U2AF2: variants seen among roughly 807,000 people sequenced by gnomAD.
U2AF2 encodes U2 small nuclear RNA auxiliary factor 2.
U2AF2 carries 6 observed loss-of-function variants against 52.6 expected under a neutral mutation model. The ratio of observed to expected loss-of-function variants is 0.11; its 90% CI spans 0.06 to 0.23. The LOEUF (loss-of-function observed/expected upper bound fraction) is 0.23, where lower values mean the gene tolerates loss of function less well. U2AF2 is among the 10% of genes least tolerant of loss of function. U2AF2 has a pLI of 1.00. For synonymous variants in U2AF2, 284 were observed against 258.2 expected, an observed-to-expected ratio of 1.10 and a Z score of -0.96; for missense variants, 222 against 677.1, an observed-to-expected ratio of 0.33 and a Z score of 7.46.
intron 1 of U2AF2, among the ~76,000 whole-genome samples, chr19:55,658,011 A>G (rs1483525934): frequency 6.6e-6 from 1 of 151,962 alleles, no homozygotes; most frequent in South Asian, 2.1e-4. Flanking sequence ...CTGGGTGCAT[A>G]TTTTTCTGAG....
chr19:55,668,391 C>T lies in U2AF2; in HGVS notation c.743-116C>T, dbSNP rs1482569736. 19 of 1,060,844 alleles carry T rather than the reference C, an allele frequency of 1.8e-5. No homozygotes were observed. Among genetic ancestry groups the T allele is most frequent in the Admixed American group, 3.0e-5 (1 of 33,570 alleles). The allele number at this position is 1,060,844 out of a possible 1,614,324, so 65.7% of individuals were successfully genotyped here. On this transcript the variant is annotated intron_variant, in intron 7 of 11. Transcript: ENST00000308924. The surrounding 1 kb of genome is among the most constrained non-coding windows in gnomAD (Gnocchi z 5.5). Reference sequence around the variant, plus strand: ...GGTGGGCACGTGGCGACCCCTCCCTCGTCAGATCAGGCAGGAAGTGTTCTC... The same window carrying T: ...GGTGGGCACGTGGCGACCCCTCCCTTGTCAGATCAGGCAGGAAGTGTTCTC...
rs376297665 is a variant in U2AF2, at chr19:55,661,186, T to G, written c.483T>G (p.Thr161=). 6.3e-7 allele frequency: 1 copy of G among 1,599,770 alleles called. No individual in the cohort carries two copies. The highest frequency in any genetic ancestry group is 1.3e-5 in the African/African-American group (1 of 74,650). The change falls in exon 5 of 12, where the codon ACT becomes ACG. Residue 161 remains threonine (T), a synonymous_variant. Transcript: ENST00000308924. ...LYVGNIPFGI[T]EEAMMDFFNA... ...TGGGCAACATCCCCTTTGGCATCAC[T>G]GAGGTACTGCCCTCCCCTGCCCCCT... is the stretch of plus-strand genomic sequence containing the variant.
intron 11 of U2AF2, 133 bp downstream of exon 11, chr19:55,669,825 C>T: frequency 8.9e-6 from 12 of 1,350,618 alleles, no homozygotes; most frequent in South Asian, 4.5e-5. Flanking sequence ...TCTCTCTCTC[C>T]TCTCGCAGCG....
At chr19:55,657,362 TTG>T (rs1364721701) in intron 1 of U2AF2, among the ~76,000 whole-genome samples, 3 of 152,226 alleles carry the variant, frequency 2.0e-5, no homozygotes, top group African/African-American at 4.8e-5. Flanking sequence ...CCTGTAGTCT[TTG>T]TCTCTGCGGA....
chr19:55,664,392 A>G (rs1290591837), intron 7 of U2AF2, among the ~76,000 whole-genome samples: 1 of 152,246 alleles, frequency 6.6e-6, no homozygotes, highest in African/African-American at 2.4e-5. Context: ...CACAGGCCAC[A>G]GAATGGTCTC....
intron 6 of U2AF2, 52 bp from the exon 7 acceptor site, chr19:55,663,554 C>A: frequency 6.3e-7 from 1 of 1,591,216 alleles, no homozygotes; most frequent in Admixed American, 1.7e-5. Context: ...ACACTAGGGG[C>A]TGTACTAGTC....
In U2AF2 at chr19:55,669,687, G is replaced by A. The variant is rs752624831; in HGVS notation, c.1288G>A (p.Gly430Arg). ...PVDGVEVPGC[G>R]KIFVEFTSVF... ...GGACGGCGTCGAGGTGCCCGGCTGC[G>A]GAAAGGTCAGGAGGCCTCGGGCTCA... The change falls in exon 11 of 12, where the codon GGA becomes AGA. Residue 430 changes from glycine to arginine, a missense_variant. Gly to Arg is a moderately radical substitution (Grantham distance 125). Around this residue, in one of 4 missense-constraint regions of U2AF2, gnomAD observed 71 missense variants for 180.6 expected, o/e 0.39. Coordinates refer to ENST00000308924, the MANE Select transcript of U2AF2 (RefSeq NM_007279.3). 1.9e-6 allele frequency: 3 copies of A among 1,603,458 alleles called. No individual in the cohort carries two copies. Among genetic ancestry groups the A allele is most frequent in the Non-Finnish European group, 2.6e-6 (3 of 1,174,596 alleles).
In U2AF2 at chr19:55,673,496, T is replaced by C. The variant is rs556826478; in HGVS notation, c.1294-438T>C. 2.6e-5 allele frequency among the ~76,000 whole-genome samples: 4 copies of C among 152,384 alleles called. No homozygotes were observed. In the South Asian group the frequency reaches 8.3e-4, roughly 32 times the overall value. Reference sequence around the variant, plus strand: ...TCAAGGTTCAAGTTTTTAAATTTTATTCAACCTGGGTTTGAATCCTAATTT... The same window carrying C: ...TCAAGGTTCAAGTTTTTAAATTTTACTCAACCTGGGTTTGAATCCTAATTT... On this transcript the variant is annotated intron_variant, in intron 11 of 11. Transcript: ENST00000308924.
At chr19:55,661,211 T>TA in intron 5 of U2AF2, 22 bp downstream of exon 5, 1 of 1,520,900 alleles carries the variant, frequency 6.6e-7, no homozygotes, top group Non-Finnish European at 8.8e-7. Flanking sequence ...CCCTGCCCCC[T>TA]ACCCTCTCCC....
chr19:55,655,298 A>C, intron 1 of U2AF2, 145 bp downstream of exon 1: 1 of 902,400 alleles, frequency 1.1e-6, no homozygotes, highest in Non-Finnish European at 1.6e-6. Context: ...CGCCTCGTTC[A>C]CGTGACGTCC....
chr19:55,673,978 G>A lies in U2AF2; in HGVS notation c.1338G>A (p.Met446Ile). 2 of 1,614,038 alleles carry A rather than the reference G, an allele frequency of 1.2e-6. No homozygotes were observed. The highest frequency in any genetic ancestry group is 1.7e-6 in the Non-Finnish European group (2 of 1,179,964). ...CTGTGTTTGACTGCCAGAAAGCCAT[G>A]CAGGGCCTGACGGGCCGCAAGTTCG... Reference protein sequence around the residue: ...FTSVFDCQKAMQGLTGRKFAN... With the variant: ...FTSVFDCQKAIQGLTGRKFAN... The change falls in exon 12 of 12, where the codon ATG becomes ATA. Residue 446 changes from methionine (M) to isoleucine (I), a missense_variant. This residue lies in a region of U2AF2 where 71 missense variants were observed against 180.6 expected (regional missense o/e 0.39). Coordinates refer to ENST00000308924, the MANE Select transcript of U2AF2 (RefSeq NM_007279.3).
chr19:55,666,350 G>A (rs1247934365), intron 7 of U2AF2, among the ~76,000 whole-genome samples: 3 of 152,244 alleles, frequency 2.0e-5, no homozygotes, highest in Non-Finnish European at 4.4e-5. Flanking sequence ...ATGGGGCCCT[G>A]TTTCCCCGCC....
In U2AF2 at chr19:55,668,248, G is replaced by A. The variant is rs916446076; in HGVS notation, c.743-259G>A. Among the ~76,000 whole-genome samples the A allele has an allele frequency of 2.0e-5, 3 of 152,138 alleles. No homozygotes were observed. The highest frequency in any genetic ancestry group is 7.2e-5 in the African/African-American group (3 of 41,420). On this transcript the variant is annotated intron_variant, in intron 7 of 11. Transcript: ENST00000308924. This position sits in a 1 kb window ranked among gnomAD's most constrained non-coding sequence, Gnocchi z 5.5. ...GTGCCTTTGGAGCGTTCTGGAGGAT[G>A]TTCTAGTTTGAGGTTCCCCTGAGGC...
In U2AF2 at chr19:55,669,454, A is replaced by T. The variant is rs749175675; in HGVS notation, c.1055A>T (p.Asn352Ile). The change falls in exon 11 of 12, where the codon AAT becomes ATT. Residue 352 changes from asparagine to isoleucine, a missense_variant. This residue lies in a region of U2AF2 where 71 missense variants were observed against 180.6 expected (regional missense o/e 0.39). Transcript: ENST00000308924. ...CCCCTGGCCCCACAGAGCACCATCA[A>T]TCAGACGCCTGTGACCCTGCAAGTG... ...ATLVSPPSTI[N>I]QTPVTLQVPG... 1 of 1,606,176 alleles carries T rather than the reference A, an allele frequency of 6.2e-7. No individual in the cohort carries two copies. Among genetic ancestry groups the T allele is most frequent in the Non-Finnish European group, 8.5e-7 (1 of 1,175,214 alleles).
At position 55,662,640 on chromosome 19, in the gene U2AF2, G is replaced by A. The variant is rs745906709; in HGVS notation, c.603+22G>A. On this transcript the variant is annotated intron_variant, in intron 6 of 11. Transcript: ENST00000308924. The stretch of plus-strand genomic sequence containing the variant: ...GGAGGTGAGCTGGGGGAGTGAGTGA[G>A]GTCCAGGAAACGTGTGTGATGTGAG... 4 of 1,603,636 alleles carry A rather than the reference G, an allele frequency of 2.5e-6. No homozygotes were observed. The South Asian group carries it at 4.4e-5, about 18-fold the overall frequency.
Position 55,669,174 on chromosome 19 carries a change from GC to G in U2AF2, c.1043del (p.Pro348ArgfsTer9). 6.2e-7 allele frequency: 1 copy of G among 1,613,872 alleles called. No homozygotes were observed. The highest frequency in any genetic ancestry group is 2.2e-5 in the East Asian group (1 of 44,880). On this transcript the variant is annotated frameshift_variant, in exon 10 of 12. Coordinates refer to ENST00000308924, the MANE Select transcript of U2AF2 (RefSeq NM_007279.3). LOFTEE classifies it high-confidence loss of function. ...GGAGCCAAGAATGCCACGCTGGTGA[GC>G]CCCCCGGCACGTCATCTTCCATTGG... ...SVGAKNATLV[S>X]PPSTINQTPV...
At chr19:55,667,101 GC>G (rs1227124344) in intron 7 of U2AF2, among the ~76,000 whole-genome samples, 1 of 152,172 alleles carries the variant, frequency 6.6e-6, no homozygotes, top group African/African-American at 2.4e-5. Flanking sequence ...GGTCTGTGTG[GC>G]CCCAGTCTGG....
chr19:55,658,095 G>A (rs1480429432), intron 1 of U2AF2, among the ~76,000 whole-genome samples: 1 of 152,170 alleles, frequency 6.6e-6, no homozygotes, highest in East Asian at 1.9e-4. Flanking sequence ...ACAAAACACT[G>A]TGGGTGAGGC....
intron 11 of U2AF2, among the ~76,000 whole-genome samples, chr19:55,670,439 ACCCTGCTGTCCCG>A (rs1331253297): frequency 2.3e-5 from 3 of 129,358 alleles, no homozygotes; most frequent in Non-Finnish European, 4.9e-5. Flanking sequence ...CTGTCCGTGC[ACCCTGCTGTCCCG>A]TGCACCCTGC....
Sources: gnomAD v4.1 joint callset for allele counts (sites outside exome capture counted in the v4.1 genomes callset) on GRCh38, gnomAD v4.1.1 for gene constraint, gnomAD v4.1.1 regional missense constraint, Gnocchi (gnomAD v3.1) non-coding constraint, MANE v1.5 for transcripts, NCBI Gene and HGNC (gene_info 2026-07-23, HGNC 2026-07-21) for gene names.